Variants in KDM4C observed in about 807,000 individuals in gnomAD.
KDM4C encodes lysine demethylase 4C.
KDM4C carries 81 observed loss-of-function variants against 129.3 expected under a neutral mutation model. The observed-to-expected ratio is 0.63, with a 90% CI of 0.52 to 0.75. The LOEUF is 0.75. KDM4C is among the 30% of genes least tolerant of loss of function. The pLI, the probability that KDM4C is intolerant of heterozygous loss-of-function variation, is 0.00. For synonymous variants in KDM4C, 573 were observed against 456.1 expected, an observed-to-expected ratio of 1.26 and a Z score of -3.26; for missense variants, 1,457 against 1,304.0, an observed-to-expected ratio of 1.12 and a Z score of -1.81.
intron 15 of KDM4C, among the ~76,000 whole-genome samples, chr9:7,019,702 T>TTTTTATATATAAAAATATAATA (rs1563992732): frequency 3.9e-4 from 40 of 102,832 alleles, no homozygotes; most frequent in Non-Finnish European, 5.7e-4. Context: ...AAATATAATA[T>TTTTTATATATAAAAATATAATA]TTTTATATAT....
intron 5 of KDM4C, among the ~76,000 whole-genome samples, chr9:6,862,519 C>T (rs1244567378): frequency 1.3e-5 from 2 of 152,106 alleles, no homozygotes; most frequent in Non-Finnish European, 2.9e-5. Context: ...GGCTAAACTT[C>T]AGGCTGGGTG....
chr9:6,892,086 A>G (rs775238583), intron 7 of KDM4C, among the ~76,000 whole-genome samples: 6 of 152,196 alleles, frequency 3.9e-5, no homozygotes, highest in Non-Finnish European at 7.4e-5. Context: ...CATTTGCTAA[A>G]TACTTTGGCA....
intron 1 of KDM4C, among the ~76,000 whole-genome samples, chr9:6,759,546 T>A (rs1025337930): frequency 5.9e-5 from 9 of 152,206 alleles, no homozygotes; most frequent in South Asian, 2.1e-4. Flanking sequence ...TTCAGTGTTA[T>A]GAAAAGTTTT....
chr9:6,905,481 T>C (rs956196494), intron 8 of KDM4C, among the ~76,000 whole-genome samples: 1 of 152,222 alleles, frequency 6.6e-6, no homozygotes, highest in South Asian at 2.1e-4. Context: ...TTTCCTCCTT[T>C]AGTCTTTGAC....
chr9:6,962,156 A>C (rs1261158878), intron 8 of KDM4C, among the ~76,000 whole-genome samples: 5 of 152,236 alleles, frequency 3.3e-5, no homozygotes, highest in Non-Finnish European at 7.3e-5. Flanking sequence ...AATAGGAGTG[A>C]ATTTGATTAG....
At chr9:6,952,555 C>G (rs946747022) in intron 8 of KDM4C, among the ~76,000 whole-genome samples, 9 of 152,140 alleles carry the variant, frequency 5.9e-5, no homozygotes, top group African/African-American at 2.2e-4. Flanking sequence ...ATTCTCCTGC[C>G]TCAGGCTCCC....
chr9:6,855,271 C>T (rs1393425379), intron 5 of KDM4C, among the ~76,000 whole-genome samples: 2 of 151,778 alleles, frequency 1.3e-5, no homozygotes, highest in African/African-American at 4.8e-5. Context: ...CTAGCCTGGC[C>T]AACATAGTGA....
intron 15 of KDM4C, among the ~76,000 whole-genome samples, chr9:7,036,549 G>A (rs1308244315): frequency 1.3e-5 from 2 of 152,054 alleles, no homozygotes; most frequent in South Asian, 4.1e-4. Flanking sequence ...ATGATTTTCT[G>A]TTCTTCTGTT....
chr9:7,010,826 C>G (rs910177625), intron 12 of KDM4C, among the ~76,000 whole-genome samples: 3 of 152,070 alleles, frequency 2.0e-5, no homozygotes, highest in African/African-American at 7.2e-5. Flanking sequence ...GGTGGATCAC[C>G]TGAGGTCAGG....
At position 6,814,268 on chromosome 9, in the gene KDM4C, CTAAG is replaced by C. The variant is rs1383560561; in HGVS notation, c.321-361_321-358del. Among the ~76,000 whole-genome samples, 11 of 152,124 alleles carry C rather than the reference CTAAG, an allele frequency of 7.2e-5. No individual in the cohort carries two copies. The East Asian group carries it at 2.1e-3, about 29-fold the overall frequency. ...GAGATTATTGTTTGTCAGTGTTTCTCTAAGTGTTATGTCATTTTTATATAAATAT... is the reference window on the plus strand; with the variant it reads ...GAGATTATTGTTTGTCAGTGTTTCTCTGTTATGTCATTTTTATATAAATAT... On this transcript the variant is annotated intron_variant, in intron 3 of 21. Coordinates refer to ENST00000381309, the MANE Select transcript of KDM4C (RefSeq NM_015061.6).
intron 18 of KDM4C, among the ~76,000 whole-genome samples, chr9:7,127,676 T>G (rs1261339664): frequency 6.6e-6 from 1 of 152,206 alleles, no homozygotes; most frequent in Non-Finnish European, 1.5e-5. Context: ...CATTATTGGA[T>G]CATTTGACCA....
intron 8 of KDM4C, among the ~76,000 whole-genome samples, chr9:6,979,039 G>T (rs1816291737): frequency 1.3e-5 from 2 of 152,068 alleles, no homozygotes; most frequent in African/African-American, 2.4e-5. Flanking sequence ...TCATGATCAG[G>T]CCTAAATCAG....
chr9:7,077,471 C>A (rs1834054904), intron 17 of KDM4C, among the ~76,000 whole-genome samples: 1 of 152,224 alleles, frequency 6.6e-6, no homozygotes, highest in African/African-American at 2.4e-5. Flanking sequence ...CTAGGCCAGA[C>A]ATTGTCTAGT....
chr9:6,834,056 T>C (rs956886037), intron 4 of KDM4C, among the ~76,000 whole-genome samples: 1 of 149,408 alleles, frequency 6.7e-6, no homozygotes, highest in Non-Finnish European at 1.5e-5. Context: ...TTTTTTTTTT[T>C]TTAAGATAGT....
At chr9:6,982,490 A>G (rs912893476) in intron 9 of KDM4C, 5 of 152,200 alleles carry the variant, frequency 3.3e-5, no homozygotes. Flanking sequence ...TTCACTCATG[A>G]CATGTGTGAG....
chr9:6,807,599 T>C (rs557684414), intron 3 of KDM4C, among the ~76,000 whole-genome samples: 6,580 of 139,142 alleles, frequency 0.047, 208 homozygotes, highest in Non-Finnish European at 0.071. Context: ...TGAGGAGCGT[T>C]TCTGCCCAGC....
At chr9:6,888,143 C>T (rs1845567095) in intron 7 of KDM4C, 80 bp downstream of exon 7, 2 of 676,380 alleles carry the variant, frequency 3.0e-6, no homozygotes, top group Non-Finnish European at 4.8e-6. Flanking sequence ...CTTTAACTTC[C>T]AGTAGAATTT....
At chr9:6,998,461 C>T (rs1451084685) in intron 12 of KDM4C, among the ~76,000 whole-genome samples, 2 of 152,138 alleles carry the variant, frequency 1.3e-5, no homozygotes, top group East Asian at 1.9e-4. Flanking sequence ...TTGATTACTT[C>T]CTTAAATGGT....
chr9:6,845,592 T>A (rs1837718119), intron 4 of KDM4C, among the ~76,000 whole-genome samples: 1 of 152,208 alleles, frequency 6.6e-6, no homozygotes, highest in Non-Finnish European at 1.5e-5. Flanking sequence ...ATATCCCTAA[T>A]AAAGTTCTCA....
Sources: gnomAD v4.1 joint callset for allele counts (sites outside exome capture counted in the v4.1 genomes callset) on GRCh38, gnomAD v4.1.1 for gene constraint, MANE v1.5 for transcripts, NCBI Gene and HGNC (gene_info 2026-07-23, HGNC 2026-07-21) for gene names.